SPAG16: variants seen among roughly 807,000 people sequenced by gnomAD.
SPAG16 encodes sperm-associated antigen 16 protein.
SPAG16 carries 86 observed loss-of-function variants against 80.4 expected under a neutral mutation model. The ratio of observed to expected loss-of-function variants is 1.07; its 90% confidence interval spans 0.90 to 1.28. SPAG16 has a LOEUF of 1.28. Among genes scored for constraint, SPAG16 ranks in the 50% most tolerant of loss-of-function variants. The probability of loss-of-function intolerance (pLI) is 0.00; values close to 1 mark genes in which losing one functional copy is unlikely to be tolerated. For synonymous variants in SPAG16, 294 were observed against 265.9 expected (o/e 1.11, Z -1.03); for missense variants, 870 against 765.3 (o/e 1.14, Z -1.61).
intron 15 of SPAG16, among the ~76,000 whole-genome samples, chr2:214,255,826 A>C (rs1167609610): frequency 6.6e-6 from 1 of 151,964 alleles, no homozygotes; most frequent in Admixed American, 6.6e-5. Context: ...GTAGTATTCT[A>C]TTATATGAAT....
Position 213,920,510 on chromosome 2 carries a change from G to T in SPAG16, c.1215-9450G>T, listed in dbSNP as rs1026547434. Among the ~76,000 whole-genome samples the T allele has an allele frequency of 5.9e-5, 9 of 152,296 alleles. No individual in the cohort carries two copies. In the South Asian group the frequency reaches 1.2e-3, roughly 21 times the overall value. Reference sequence around the variant, plus strand: ...TCTGGGCCTGGAGGAAGCTGCAGTGGGGGTAGGGAATAGGCAGGCTGGTGT... The same window carrying T: ...TCTGGGCCTGGAGGAAGCTGCAGTGTGGGTAGGGAATAGGCAGGCTGGTGT... On this transcript the variant is annotated intron_variant, in intron 11 of 15. Transcript: ENST00000331683.
At chr2:213,499,628 A>G (rs1295727084) in intron 10 of SPAG16, among the ~76,000 whole-genome samples, 2 of 152,150 alleles carry the variant, frequency 1.3e-5, no homozygotes, top group Admixed American at 6.6e-5. Context: ...ATTTATATGA[A>G]TGCCTGTGGT....
chr2:213,433,149 G>A (rs774111121), intron 9 of SPAG16, among the ~76,000 whole-genome samples: 24 of 152,080 alleles, frequency 1.6e-4, no homozygotes, highest in African/African-American at 4.8e-4. Flanking sequence ...GACCAACATC[G>A]TACTGATCTG....
chr2:214,219,753 G>A (rs6731606), intron 15 of SPAG16, among the ~76,000 whole-genome samples: 128,921 of 152,040 alleles, frequency 0.85, 54,791 homozygotes, highest in Non-Finnish European at 0.88. Context: ...CTCTGTGTCT[G>A]TGTGTGTCTT....
At chr2:213,776,249 G>A (rs2125566361) in intron 10 of SPAG16, among the ~76,000 whole-genome samples, 1 of 152,274 alleles carries the variant, frequency 6.6e-6, no homozygotes, top group South Asian at 2.1e-4. Context: ...CCTTAAAAGT[G>A]GATAAATTTA....
chr2:214,030,851 A>G (rs1027234391), intron 13 of SPAG16, among the ~76,000 whole-genome samples: 3 of 152,212 alleles, frequency 2.0e-5, no homozygotes, highest in Admixed American at 2.0e-4. Flanking sequence ...GCCTAAGGCA[A>G]TGCCACAGCT....
At chr2:213,360,417 G>A (rs1427079264) in intron 7 of SPAG16, among the ~76,000 whole-genome samples, 1 of 152,178 alleles carries the variant, frequency 6.6e-6, no homozygotes, top group African/African-American at 2.4e-5. Context: ...CTGCTAAGTG[G>A]CCAAAGCGAC....
intron 11 of SPAG16, among the ~76,000 whole-genome samples, chr2:213,907,578 G>C (rs2077482427): frequency 1.3e-5 from 2 of 152,108 alleles, no homozygotes; most frequent in South Asian, 4.2e-4. Context: ...AGTGATAACT[G>C]TACTCCTATG....
At chr2:213,665,539 G>C (rs1374592250) in intron 10 of SPAG16, among the ~76,000 whole-genome samples, 1 of 152,062 alleles carries the variant, frequency 6.6e-6, no homozygotes, top group African/African-American at 2.4e-5. Context: ...TTGTTCAGAT[G>C]GTAGAGTTTC....
At chr2:213,989,782 T>G (rs1388496403) in intron 12 of SPAG16, among the ~76,000 whole-genome samples, 1 of 152,164 alleles carries the variant, frequency 6.6e-6, no homozygotes, top group Admixed American at 6.6e-5. Context: ...TGATTATACA[T>G]AAATATAGGG....
Position 213,702,243 on chromosome 2 carries a change from A to C in SPAG16, c.1071-160242A>C, listed in dbSNP as rs185077338. 6.4e-3 allele frequency among the ~76,000 whole-genome samples: 982 copies of C among 152,306 alleles called. 19 individuals carry two copies. Among genetic ancestry groups the C allele is most frequent in the African/African-American group, 0.023 (954 of 41,578 alleles). On this transcript the variant is annotated intron_variant, in intron 10 of 15. Transcript: ENST00000331683. ...GACCAATCAGCTCTCTGTAAAATGG[A>C]CCAATCAGCAGGATGTGGGTGGGGC... is the stretch of plus-strand genomic sequence containing the variant.
chr2:214,279,676 G>T (rs1466582046), intron 15 of SPAG16, among the ~76,000 whole-genome samples: 1 of 152,214 alleles, frequency 6.6e-6, no homozygotes, highest in Non-Finnish European at 1.5e-5. Flanking sequence ...GGACATGCAT[G>T]TGAGGAAACT....
chr2:213,284,466 G>A lies in SPAG16; in HGVS notation c.-18G>A, dbSNP rs775841690. ...ACGGCTGTGGGCCTGCTGGGGGTGG[G>A]GGCCCGAAGCGCCAGAGATGGCTGC... On this transcript the variant is annotated 5_prime_UTR_variant, in exon 1 of 16. Coordinates refer to ENST00000331683, the MANE Select transcript of SPAG16 (RefSeq NM_024532.5). 1.3e-6 allele frequency: 2 copies of A among 1,555,302 alleles called. No homozygotes were observed. Among genetic ancestry groups the A allele is most frequent in the Non-Finnish European group, 1.7e-6 (2 of 1,150,638 alleles).
At chr2:213,813,261 G>A (rs1162467081) in intron 10 of SPAG16, among the ~76,000 whole-genome samples, 1 of 152,126 alleles carries the variant, frequency 6.6e-6, no homozygotes, top group Non-Finnish European at 1.5e-5. Context: ...AGAAAGAGAT[G>A]GAAACCATTA....
intron 10 of SPAG16, among the ~76,000 whole-genome samples, chr2:213,715,599 C>T (rs573450781): frequency 3.9e-5 from 6 of 152,228 alleles, no homozygotes; most frequent in South Asian, 4.1e-4. Flanking sequence ...GAGTGAATTA[C>T]GTGAAATGAT....
chr2:214,042,056 C>T (rs1271787892), intron 13 of SPAG16, among the ~76,000 whole-genome samples: 1 of 140,862 alleles, frequency 7.1e-6, no homozygotes, highest in Non-Finnish European at 1.5e-5. Flanking sequence ...TGTACCAAAA[C>T]CTATCAGCTG....
At chr2:213,723,444 G>A (rs1177796651) in intron 10 of SPAG16, among the ~76,000 whole-genome samples, 2 of 152,194 alleles carry the variant, frequency 1.3e-5, no homozygotes, top group Non-Finnish European at 2.9e-5. Flanking sequence ...TCTGAAGTCT[G>A]AGGGAAAGAT....
chr2:213,393,021 A>C (rs1161378169), intron 9 of SPAG16, among the ~76,000 whole-genome samples: 1 of 152,158 alleles, frequency 6.6e-6, no homozygotes, highest in African/African-American at 2.4e-5. Context: ...AAATAAACAG[A>C]AATACTTACA....
At chr2:213,861,692 C>A (rs10167571) in intron 10 of SPAG16, among the ~76,000 whole-genome samples, 52,336 of 151,966 alleles carry the variant, frequency 0.34, 9,467 homozygotes, top group South Asian at 0.47. Flanking sequence ...ATTGCCATAG[C>A]TAAAATATCA....
Sources: allele counts gnomAD v4.1 joint callset (sites outside exome capture counted in the v4.1 genomes callset), GRCh38; gene constraint gnomAD v4.1.1; transcripts MANE v1.5; gene names NCBI Gene and HGNC (gene_info 2026-07-23, HGNC 2026-07-21).